The following MIER3 variants were observed in gnomAD, a reference collection of about 807,000 sequenced individuals.
MIER3 encodes mesoderm induction early response protein 3.
In MIER3, 9 loss-of-function variants were observed where a neutral mutation model predicts 63.2. The ratio of observed to expected loss-of-function variants is 0.14; its 90% confidence interval spans 0.09 to 0.25. The LOEUF is 0.25. Ranked by LOEUF, MIER3 falls within the 10% of genes least tolerant of loss-of-function variation. MIER3 has a pLI of 1.00. For synonymous variants in MIER3, 205 were observed against 224.9 expected, an observed-to-expected ratio of 0.91 and a Z score of 0.79; for missense variants, 512 against 666.2, an observed-to-expected ratio of 0.77 and a Z score of 2.55.
intron 8 of MIER3, among the ~76,000 whole-genome samples, chr5:56,932,644 T>C (rs934722094): frequency 7.9e-5 from 12 of 152,298 alleles, no homozygotes; most frequent in African/African-American, 2.2e-4. Context: ...TAATAGGCAA[T>C]GTTCCCATCC....
At chr5:56,934,594 G>A (rs995156907) in intron 7 of MIER3, among the ~76,000 whole-genome samples, 2 of 152,172 alleles carry the variant, frequency 1.3e-5, no homozygotes, top group African/African-American at 2.4e-5. Context: ...CTTCCCCTGG[G>A]ATAACTGTCT....
chr5:56,931,994 T>C lies in MIER3; in HGVS notation c.748-1249A>G, dbSNP rs572487944. Among the ~76,000 whole-genome samples the C allele has an allele frequency of 1.4e-4, 22 of 152,270 alleles. 1 individual carries two copies. In the South Asian group the frequency reaches 4.6e-3, roughly 32 times the overall value. ...ATTTCTCAACATCAACAATATACAA[T>C]TATAAATATAATAGAGGGCCAGGCA... On this transcript the variant is annotated intron_variant, in intron 8 of 12. Coordinates refer to ENST00000381199, the MANE Select transcript of MIER3 (RefSeq NM_001297599.2).
chr5:56,930,593 T>C, intron 9 of MIER3, 71 bp downstream of exon 9: 1 of 1,241,628 alleles, frequency 8.1e-7, no homozygotes, highest in Non-Finnish European at 1.2e-6. Flanking sequence ...TCCCTTAGGA[T>C]ACTTTGCTTA....
chr5:56,919,694 T>G lies in MIER3; in HGVS notation c.*3434A>C, dbSNP rs1303202872. On this transcript the variant is annotated 3_prime_UTR_variant, in exon 13 of 13. Coordinates refer to ENST00000381199, the MANE Select transcript of MIER3 (RefSeq NM_001297599.2). ...ATGCTCAAAAAAATCAGTGTTTATGTACAAATATTAAAATCAATGCAATAG... is the reference window on the plus strand; with the variant it reads ...ATGCTCAAAAAAATCAGTGTTTATGGACAAATATTAAAATCAATGCAATAG... The G allele has an allele frequency of 6.6e-6, 1 of 152,656 alleles. No individual in the cohort carries two copies. The highest frequency in any genetic ancestry group is 1.5e-5 in the Non-Finnish European group (1 of 68,026). The allele number at this position is 152,656 out of a possible 1,614,324, so 9.5% of individuals were successfully genotyped here.
intron 2 of MIER3, among the ~76,000 whole-genome samples, chr5:56,947,634 A>G (rs1303454757): frequency 6.6e-6 from 1 of 152,210 alleles, no homozygotes; most frequent in Non-Finnish European, 1.5e-5. Flanking sequence ...AAAGCATTGT[A>G]TCACTTTACA....
chr5:56,935,894 C>T, intron 5 of MIER3, 143 bp from the exon 6 acceptor site: 1 of 656,972 alleles, frequency 1.5e-6, no homozygotes, highest in Non-Finnish European at 2.7e-6. Context: ...TCACAATCGA[C>T]ATTGGTCAAA....
chr5:56,941,179 G>GT, intron 3 of MIER3: 6 of 980,216 alleles, frequency 6.1e-6, no homozygotes, highest in Non-Finnish European at 7.3e-6. Context: ...CTGTAAGGAT[G>GT]TAAGGATGAG....
chr5:56,941,628 C>T (rs1025552997), intron 3 of MIER3: 3 of 152,222 alleles, frequency 2.0e-5, no homozygotes, highest in African/African-American at 7.2e-5. Context: ...GAGGCAGGGA[C>T]AGATCGCAAA....
At chr5:56,937,722 T>G (rs745704474) in intron 4 of MIER3, 24 bp from the exon 5 acceptor site, 1 of 1,592,286 alleles carries the variant, frequency 6.3e-7, no homozygotes, top group Admixed American at 1.8e-5. Flanking sequence ...AAGGCAGTGC[T>G]ACAGTTAGAA....
In MIER3 at chr5:56,921,858, C is replaced by T. The variant is rs1158683520; in HGVS notation, c.*1270G>A. On this transcript the variant is annotated 3_prime_UTR_variant, in exon 13 of 13. Transcript: ENST00000381199. ...ACTGTATTACATATTGTTTGATTCA[C>T]CTTATAACTTAAAAATGCATGTTTA... is the stretch of plus-strand genomic sequence containing the variant. 1.3e-5 allele frequency: 2 copies of T among 152,564 alleles called. No individual in the cohort carries two copies. The highest frequency in any genetic ancestry group is 1.5e-5 in the Non-Finnish European group (1 of 68,016). 9.5% of individuals were successfully genotyped at this position (152,564 alleles called of 1,614,324 possible).
chr5:56,935,714 A>G lies in MIER3; in HGVS notation c.474T>C (p.Val158=), dbSNP rs16886514. 6,536 of 1,614,052 alleles carry G rather than the reference A, an allele frequency of 4.0e-3. 258 individuals carry two copies. The African/African-American group carries it at 0.078, about 19-fold the overall frequency. ...TACDGDKESE[V]EDVETDSGNS... ...TACCACTGTCTGTTTCAACATCTTC[A>G]ACCTCTGATTCCTTATCACCATCAC... Residue 158 remains valine, a synonymous_variant, in exon 6 of 13, where the codon GTT becomes GTC. Transcript: ENST00000381199.
At chr5:56,946,723 G>A (rs570390537) in intron 3 of MIER3, among the ~76,000 whole-genome samples, 5 of 151,606 alleles carry the variant, frequency 3.3e-5, no homozygotes, top group African/African-American at 1.2e-4. Context: ...TCACTGTGTT[G>A]ATATAAGCTT....
intron 10 of MIER3, chr5:56,925,267 G>A (rs1261185340): frequency 9.1e-6 from 4 of 437,792 alleles, no homozygotes; most frequent in Non-Finnish European, 4.5e-6. Context: ...AATGCAGTAA[G>A]ACAAGAAAAA....
At chr5:56,934,557 C>T (rs942922548) in intron 7 of MIER3, among the ~76,000 whole-genome samples, 1 of 152,158 alleles carries the variant, frequency 6.6e-6, no homozygotes, top group African/African-American at 2.4e-5. Context: ...AAGGCTGGCA[C>T]ATCTGAACAT....
At chr5:56,935,564 A>G (rs1579850600) in intron 6 of MIER3, 64 bp from the exon 7 acceptor site, 4 of 1,493,980 alleles carry the variant, frequency 2.7e-6, no homozygotes, top group Non-Finnish European at 3.6e-6. Context: ...AAAGCCCCAT[A>G]TCATTAATCA....
chr5:56,925,172 G>A (rs12657064), intron 10 of MIER3, among the ~76,000 whole-genome samples: 13,846 of 152,062 alleles, frequency 0.091, 645 homozygotes, highest in East Asian at 0.14. Flanking sequence ...TAAATTATAC[G>A]CTTTATCTCA....
rs1225085477 is a variant in MIER3 at position 56,921,169 on chromosome 5, T to C, written c.*1959A>G. 1 of 152,578 alleles carries C rather than the reference T, an allele frequency of 6.6e-6. No homozygotes were observed. Among genetic ancestry groups the C allele is most frequent in the East Asian group, 1.9e-4 (1 of 5,206 alleles). The allele number at this position is 152,578 out of a possible 1,614,324, so 9.5% of individuals were successfully genotyped here. On this transcript the variant is annotated 3_prime_UTR_variant, in exon 13 of 13. Coordinates refer to ENST00000381199, the MANE Select transcript of MIER3 (RefSeq NM_001297599.2). ...AACTGGTATTAGCATTCAGTCATCT[T>C]TGTGTAAATTATTTATACAGACCAG... is the stretch of plus-strand genomic sequence containing the variant.
intron 3 of MIER3, 124 bp downstream of exon 3, chr5:56,946,802 C>T: frequency 1.3e-6 from 1 of 742,206 alleles, no homozygotes; most frequent in African/African-American, 1.9e-5. Flanking sequence ...TAGGCTATCC[C>T]CCAAAATAAG....
intron 9 of MIER3, 76 bp from the exon 10 acceptor site, chr5:56,928,937 C>CAGTATGTGA: frequency 1.0e-6 from 1 of 989,534 alleles, no homozygotes; most frequent in Middle Eastern, 2.3e-4. Context: ...AGTATGTTTT[C>CAGTATGTGA]CCTGTAAAAG....
Sources: allele counts gnomAD v4.1 joint callset (sites outside exome capture counted in the v4.1 genomes callset), GRCh38; gene constraint gnomAD v4.1.1; transcripts MANE v1.5; gene names NCBI Gene and HGNC (gene_info 2026-07-23, HGNC 2026-07-21).